CFAP96: variants seen among roughly 807,000 people sequenced by gnomAD.
The protein encoded by CFAP96 is cilia and flagella associated protein 96, also known as cilia-and flagella-associated protein 96.
the CFAP96 span, chr4:185,432,059 G>C: frequency 6.4e-7 from 1 of 1,551,658 alleles, no homozygotes; most frequent in South Asian, 1.2e-5. Context: ...TCTTCAGGCA[G>C]GTTATTTTGA....
chr4:185,415,871 T>C, the CFAP96 span: 32 of 1,607,756 alleles, frequency 2.0e-5, no homozygotes, highest in East Asian at 4.9e-4. Flanking sequence ...TTTGATGCTA[T>C]ATAGATAAAC....
At chr4:185,418,397 G>C in the CFAP96 span, 2 of 1,458,640 alleles carry the variant, frequency 1.4e-6, no homozygotes, top group Non-Finnish European at 1.9e-6. Flanking sequence ...CAAATCCAAA[G>C]ATTTAACATT....
chr4:185,425,376 A>T, the CFAP96 span, among the ~76,000 whole-genome samples: 3 of 152,082 alleles, frequency 2.0e-5, no homozygotes, highest in East Asian at 5.8e-4. Flanking sequence ...AGCTCAGAAG[A>T]AAGGTCTAAC....
chr4:185,415,724 T>G, the CFAP96 span: 3 of 1,609,754 alleles, frequency 1.9e-6, no homozygotes, highest in Non-Finnish European at 2.5e-6. Context: ...CCCATGTTTC[T>G]TCTGGAGCAA....
chr4:185,433,218 A>G, the CFAP96 span, among the ~76,000 whole-genome samples: 2 of 151,686 alleles, frequency 1.3e-5, no homozygotes, highest in Non-Finnish European at 2.9e-5. Flanking sequence ...GTTCAGTGAA[A>G]CCCCATCCCT....
At chr4:185,425,300 T>C in the CFAP96 span, among the ~76,000 whole-genome samples, 2 of 152,106 alleles carry the variant, frequency 1.3e-5, no homozygotes, top group African/African-American at 4.8e-5. Flanking sequence ...AGTTTGGAAC[T>C]TGCTGAGCTT....
the CFAP96 span, among the ~76,000 whole-genome samples, chr4:185,428,432 G>A: frequency 1.3e-5 from 2 of 151,716 alleles, no homozygotes; most frequent in East Asian, 3.9e-4. Context: ...AAACAGCTGG[G>A]CATGGTGGCG....
At chr4:185,425,746 G>T in the CFAP96 span, 1 of 1,438,590 alleles carries the variant, frequency 7.0e-7, no homozygotes, top group Non-Finnish European at 9.5e-7. Context: ...CACGCAGCTC[G>T]CAGCTGCCAT....
chr4:185,448,569 T>G, the CFAP96 span, among the ~76,000 whole-genome samples: 7 of 152,142 alleles, frequency 4.6e-5, no homozygotes, highest in Non-Finnish European at 8.8e-5. Flanking sequence ...TTAGGGTAAA[T>G]GTATGTAATT....
At chr4:185,423,557 A>T in the CFAP96 span, among the ~76,000 whole-genome samples, 7 of 90,286 alleles carry the variant, frequency 7.8e-5, no homozygotes, top group African/African-American at 1.9e-4. Context: ...CCAACAATAG[A>T]TTGGTTAAAA....
chr4:185,443,342 A>ATATATTTTT, the CFAP96 span, among the ~76,000 whole-genome samples: 62 of 26,706 alleles, frequency 2.3e-3, 2 homozygotes, highest in East Asian at 0.025. Flanking sequence ...ATATATATAT[A>ATATATTTTT]TTTTTTTTTT....
the CFAP96 span, among the ~76,000 whole-genome samples, chr4:185,424,121 G>A: frequency 7.0e-6 from 1 of 142,638 alleles, no homozygotes; most frequent in African/African-American, 2.6e-5. Flanking sequence ...GGGCAACATA[G>A]GAAGACCCCC....
the CFAP96 span, among the ~76,000 whole-genome samples, chr4:185,422,993 A>G: frequency 6.6e-6 from 1 of 152,122 alleles, no homozygotes; most frequent in Non-Finnish European, 1.5e-5. Context: ...CATGTAGCTG[A>G]GATTACAGGC....
the CFAP96 span, among the ~76,000 whole-genome samples, chr4:185,419,348 T>A: frequency 9.5e-4 from 144 of 152,286 alleles, no homozygotes; most frequent in Non-Finnish European, 1.6e-3. Context: ...GCCAGGATGG[T>A]CTCGATCTCC....
the CFAP96 span, among the ~76,000 whole-genome samples, chr4:185,414,949 T>A: frequency 6.6e-6 from 1 of 152,174 alleles, no homozygotes; most frequent in Non-Finnish European, 1.5e-5. Context: ...AAATGTTACA[T>A]ATAGGTTCAA....
At chr4:185,424,008 T>C in the CFAP96 span, among the ~76,000 whole-genome samples, 1 of 152,034 alleles carries the variant, frequency 6.6e-6, no homozygotes, top group Non-Finnish European at 1.5e-5. Flanking sequence ...GCTCTTCAAA[T>C]GTAAAACACA....
At chr4:185,421,994 T>C in the CFAP96 span, among the ~76,000 whole-genome samples, 1 of 152,214 alleles carries the variant, frequency 6.6e-6, no homozygotes, top group African/African-American at 2.4e-5. Flanking sequence ...TCTGATGTTC[T>C]TTATCTCAGT....
the CFAP96 span, chr4:185,426,259 C>A: frequency 4.8e-6 from 1 of 210,342 alleles, no homozygotes; most frequent in Non-Finnish European, 9.8e-6. Flanking sequence ...CGTGCAGAGG[C>A]GCTGCGCAGC....
At chr4:185,429,435 G>A in the CFAP96 span, 35 of 1,535,782 alleles carry the variant, frequency 2.3e-5, no homozygotes, top group South Asian at 5.0e-5. Flanking sequence ...GAGGAAAAAC[G>A]GACATGGAAA....
Sources: allele counts gnomAD v4.1 joint callset (sites outside exome capture counted in the v4.1 genomes callset), GRCh38; gene constraint gnomAD v4.1.1; transcripts MANE v1.5; gene names NCBI Gene and HGNC (gene_info 2026-07-23, HGNC 2026-07-21).